Variants in CNNM2 observed in about 807,000 individuals in gnomAD.
CNNM2 encodes the protein metal transporter CNNM2.
In CNNM2, 12 loss-of-function variants were observed where a neutral mutation model predicts 66.9. That is an observed-to-expected ratio of 0.18 (90% confidence interval 0.11 to 0.29). The LOEUF is 0.29. Among genes scored for constraint, CNNM2 ranks in the 10% least tolerant of loss-of-function variants. The pLI is 1.00. For missense variants in CNNM2, 705 were observed against 1,167.7 expected (o/e 0.60, Z 5.77); for synonymous variants, 557 against 501.8 (o/e 1.11, Z -1.47).
rs1333796344 is a variant in CNNM2 at position 103,090,138 on chromosome 10, A to AGAT, written c.*12960_*12962dup. ...GTCTACTGCAGCTGGAAATTGGAAA[A>AGAT]GATGGAGAGGGGAGTTTACTTTCTA... On this transcript the variant is annotated 3_prime_UTR_variant, in exon 8 of 8. Coordinates refer to ENST00000369878, the MANE Select transcript of CNNM2 (RefSeq NM_017649.5). 6 of 442,506 alleles carry AGAT rather than the reference A, an allele frequency of 1.4e-5. No homozygotes were observed. Among genetic ancestry groups the AGAT allele is most frequent in the East Asian group, 1.0e-4 (3 of 29,684 alleles). 27.4% of individuals were successfully genotyped at this position (442,506 alleles called of 1,614,324 possible). A position where few individuals can be genotyped will look rare whatever the true frequency, so the allele number is the denominator to read the frequency against.
intron 1 of CNNM2, among the ~76,000 whole-genome samples, chr10:103,015,696 A>C (rs897303955): frequency 6.6e-6 from 1 of 152,136 alleles, no homozygotes; most frequent in African/African-American, 2.4e-5. Flanking sequence ...TCTACTAAAA[A>C]TACAAGATTA....
intron 1 of CNNM2, among the ~76,000 whole-genome samples, chr10:102,993,246 G>T (rs2063929656): frequency 6.6e-6 from 1 of 152,098 alleles, no homozygotes; most frequent in African/African-American, 2.4e-5. Flanking sequence ...AAACTATGAG[G>T]TCTTAAATAT....
At chr10:103,028,760 C>T (rs1252844658) in intron 1 of CNNM2, among the ~76,000 whole-genome samples, 3 of 151,836 alleles carry the variant, frequency 2.0e-5, no homozygotes, top group Admixed American at 6.6e-5. Flanking sequence ...AATACCATTT[C>T]CGCCATAATC....
chr10:103,018,686 CTTTTT>C (rs370000130), intron 1 of CNNM2, among the ~76,000 whole-genome samples: 12,128 of 116,122 alleles, frequency 0.1, 690 homozygotes, highest in East Asian at 0.27. Context: ...CTCTTCTTTC[CTTTTT>C]TTTTTTTTTT....
rs1845486394 is a variant in CNNM2, at chr10:102,918,356, CA to C, written c.-124del. On this transcript the variant is annotated 5_prime_UTR_variant, in exon 1 of 8. Coordinates refer to ENST00000369878, the MANE Select transcript of CNNM2 (RefSeq NM_017649.5). This position sits in a 1 kb window ranked among gnomAD's most constrained non-coding sequence, Gnocchi z 4.1. ...CAGCTGGCTGAGGTGGAGTCAGTGT[CA>C]GTCAGGGAGGCGAACTGCTGAGCAC... is the stretch of plus-strand genomic sequence containing the variant. The C allele has an allele frequency of 1.1e-5, 16 of 1,453,568 alleles. No individual in the cohort carries two copies. The East Asian group carries it at 3.9e-4, about 35-fold the overall frequency. 90.0% of individuals were successfully genotyped at this position (1,453,568 alleles called of 1,614,324 possible).
intron 1 of CNNM2, among the ~76,000 whole-genome samples, chr10:102,935,669 C>A (rs957181968): frequency 1.4e-5 from 2 of 142,962 alleles, no homozygotes; most frequent in Non-Finnish European, 3.0e-5. Context: ...TGCAGTGACA[C>A]AATCACAGCT....
At chr10:103,063,905 T>A (rs1351837234) in intron 4 of CNNM2, among the ~76,000 whole-genome samples, 1 of 152,232 alleles carries the variant, frequency 6.6e-6, no homozygotes, top group Non-Finnish European at 1.5e-5. Flanking sequence ...AGGTAAGCCA[T>A]CTCCTCCTGT....
intron 1 of CNNM2, among the ~76,000 whole-genome samples, chr10:102,940,502 T>C (rs1846390396): frequency 8.1e-6 from 1 of 123,270 alleles, no homozygotes; most frequent in Non-Finnish European, 1.7e-5. Context: ...CACTGCAAGC[T>C]CCGCCTCCCG....
chr10:103,013,794 A>G (rs1297465676), intron 1 of CNNM2, among the ~76,000 whole-genome samples: 1 of 152,236 alleles, frequency 6.6e-6, no homozygotes, highest in East Asian at 1.9e-4. Flanking sequence ...ACTTTAGTTC[A>G]GAAACAAGTT....
intron 2 of CNNM2, among the ~76,000 whole-genome samples, chr10:103,052,295 A>AAC (rs917853341): frequency 8.6e-5 from 13 of 150,870 alleles, no homozygotes; most frequent in African/African-American, 3.2e-4. Context: ...AAAAAACAAA[A>AAC]AAAAAAAAAC....
At chr10:103,049,306 G>T (rs1349188725) in intron 1 of CNNM2, among the ~76,000 whole-genome samples, 3 of 152,196 alleles carry the variant, frequency 2.0e-5, no homozygotes, top group African/African-American at 7.2e-5. Flanking sequence ...ACAGCCAATA[G>T]CATCTTAGTA....
chr10:102,931,827 C>T (rs1846074791), intron 1 of CNNM2, among the ~76,000 whole-genome samples: 1 of 149,772 alleles, frequency 6.7e-6, no homozygotes, highest in Non-Finnish European at 1.5e-5. Context: ...CCAGCATCCT[C>T]ACCAGCACTT....
intron 1 of CNNM2, among the ~76,000 whole-genome samples, chr10:103,021,928 A>G (rs1044676613): frequency 6.6e-6 from 1 of 152,196 alleles, no homozygotes; most frequent in African/African-American, 2.4e-5. Flanking sequence ...ATAGTTGCCT[A>G]TGGTTAGATC....
In CNNM2 at chr10:102,918,573, C is replaced by G; in HGVS notation, c.93C>G (p.Arg31=). 1 of 1,582,064 alleles carries G rather than the reference C, an allele frequency of 6.3e-7. No individual in the cohort carries two copies. ...ALPTWKMAAR[R]SLSARGRGIL... ...CCACTTGGAAGATGGCGGCGCGCCG[C>G]AGCCTCAGCGCTCGCGGCCGGGGGA... Residue 31 remains arginine, a synonymous_variant, in exon 1 of 8, where the codon CGC becomes CGG. Transcript: ENST00000369878. This position sits in a 1 kb window ranked among gnomAD's most constrained non-coding sequence, Gnocchi z 4.1.
Position 103,081,710 on chromosome 10 carries a change from G to C in CNNM2, c.*4530G>C, listed in dbSNP as rs1331462574. ...GGCCTTCCTCCTCTAGCACTTGCAA[G>C]CTTTCTGTCTGCGATCACGGTTTAC... On this transcript the variant is annotated 3_prime_UTR_variant, in exon 8 of 8. Coordinates refer to ENST00000369878, the MANE Select transcript of CNNM2 (RefSeq NM_017649.5). 5.3e-5 allele frequency: 8 copies of C among 152,216 alleles called. No homozygotes were observed. The highest frequency in any genetic ancestry group is 7.3e-5 in the Non-Finnish European group (5 of 68,050). The allele number at this position is 152,216 out of a possible 1,614,324, so 9.4% of individuals were successfully genotyped here. A position where few individuals can be genotyped will look rare whatever the true frequency, so the allele number is the denominator to read the frequency against.
intron 1 of CNNM2, among the ~76,000 whole-genome samples, chr10:102,965,273 C>T (rs1279215506): frequency 6.6e-6 from 1 of 152,176 alleles, no homozygotes; most frequent in Non-Finnish European, 1.5e-5. Flanking sequence ...CAGCAGTTAA[C>T]AATGAACAGT....
In CNNM2 at chr10:102,922,937, CAAA is replaced by C. The variant is rs60845072; in HGVS notation, c.1621+2852_1621+2854del. Among the ~76,000 whole-genome samples, 9 of 89,592 alleles carry C rather than the reference CAAA, an allele frequency of 1.0e-4. No homozygotes were observed. Among genetic ancestry groups the C allele is most frequent in the Non-Finnish European group, 6.8e-5 (3 of 44,250 alleles). The allele number at this position is 89,592 out of a possible 152,430, so 58.8% of individuals were successfully genotyped here. On this transcript the variant is annotated intron_variant, in intron 1 of 7. Transcript: ENST00000369878. ...AGCCTTGGGGACAAAGACCCTGTCTCAAAAAAAAAAAAAAAAAAGAAACAAAAT... is the reference window on the plus strand; with the variant it reads ...AGCCTTGGGGACAAAGACCCTGTCTCAAAAAAAAAAAAAAAGAAACAAAAT...
chr10:103,065,043 A>G (rs1417806894), intron 4 of CNNM2, among the ~76,000 whole-genome samples: 1 of 152,208 alleles, frequency 6.6e-6, no homozygotes, highest in Non-Finnish European at 1.5e-5. Flanking sequence ...CAGAGGGAAG[A>G]TGGCAGATCC....
Position 103,086,262 on chromosome 10 carries a change from G to C in CNNM2, c.*9082G>C, listed in dbSNP as rs1006442622. On this transcript the variant is annotated 3_prime_UTR_variant, in exon 8 of 8. Transcript: ENST00000369878. ...ACTTTTAAGAAAAGCTGGATTCCCT[G>C]ATCACCACTAAAGATCATCATGAGA... 1 of 152,180 alleles carries C rather than the reference G, an allele frequency of 6.6e-6. No individual in the cohort carries two copies. The highest frequency in any genetic ancestry group is 2.4e-5 in the African/African-American group (1 of 41,448). 9.4% of individuals were successfully genotyped at this position (152,180 alleles called of 1,614,324 possible). A position where few individuals can be genotyped will look rare whatever the true frequency, so the allele number is the denominator to read the frequency against.
Sources: allele counts gnomAD v4.1 joint callset (sites outside exome capture counted in the v4.1 genomes callset), GRCh38; gene constraint gnomAD v4.1.1; non-coding constraint Gnocchi (gnomAD v3.1); transcripts MANE v1.5; gene names NCBI Gene and HGNC (gene_info 2026-07-23, HGNC 2026-07-21).